The following CENPP variants were observed in gnomAD, a reference collection of about 807,000 sequenced individuals.
The protein encoded by CENPP is centromere protein P.
CENPP carries 24 observed loss-of-function variants against 35.6 expected under a neutral mutation model. The ratio of observed to expected loss-of-function variants is 0.67; its 90% confidence interval spans 0.49 to 0.95. The LOEUF is 0.95. Among genes scored for constraint, CENPP ranks in the 40% least tolerant of loss-of-function variants. The pLI, the probability that CENPP is intolerant of heterozygous loss-of-function variation, is 0.00. For missense variants in CENPP, 332 were observed against 345.3 expected, an observed-to-expected ratio of 0.96 and a Z score of 0.31; for synonymous variants, 120 against 125.5, an observed-to-expected ratio of 0.96 and a Z score of 0.29.
intron 5 of CENPP, among the ~76,000 whole-genome samples, chr9:92,543,027 T>C (rs1032304749): frequency 9.2e-5 from 14 of 152,240 alleles, no homozygotes; most frequent in African/African-American, 3.4e-4. Flanking sequence ...CAATTCACTG[T>C]AAATGCATGG....
rs117748837 is a variant in CENPP at position 92,430,481 on chromosome 9, C to T, written c.564+50622C>T. 5.6e-3 allele frequency among the ~76,000 whole-genome samples: 846 copies of T among 150,958 alleles called. 46 individuals carry two copies. In the East Asian group the frequency reaches 0.092, roughly 16 times the overall value. ...AAGCGATTCTTCTGCTTCAGTCGCC[C>T]GAGTAGCTGGGATTACAGGCACCCA... On this transcript the variant is annotated intron_variant, in intron 5 of 7. Coordinates refer to ENST00000375587, the MANE Select transcript of CENPP (RefSeq NM_001012267.3).
intron 5 of CENPP, among the ~76,000 whole-genome samples, chr9:92,587,954 G>A (rs565891183): frequency 6.6e-6 from 1 of 151,886 alleles, no homozygotes; most frequent in Non-Finnish European, 1.5e-5. Context: ...GGCGAAACCC[G>A]TCTCTACTAA....
At chr9:92,380,997 G>A (rs1455143882) in intron 5 of CENPP, among the ~76,000 whole-genome samples, 2 of 152,012 alleles carry the variant, frequency 1.3e-5, no homozygotes, top group Non-Finnish European at 2.9e-5. Flanking sequence ...AAATTACTAG[G>A]GTGGAAAAAA....
intron 5 of CENPP, chr9:92,496,019 TA>T: frequency 9.9e-7 from 1 of 1,009,104 alleles, no homozygotes; most frequent in Non-Finnish European, 1.2e-6. Flanking sequence ...AGGCTGTGTT[TA>T]TTTTGTTCCA....
At chr9:92,384,135 T>TA (rs1202101650) in intron 5 of CENPP, 1 of 152,184 alleles carries the variant, frequency 6.6e-6, no homozygotes, top group Non-Finnish European at 1.5e-5. Flanking sequence ...GAGAAAGTAG[T>TA]ATAATAGCTG....
At chr9:92,466,282 A>G in intron 5 of CENPP, 1 of 956,004 alleles carries the variant, frequency 1.0e-6, no homozygotes, top group South Asian at 1.6e-5. Context: ...AATTATTCTT[A>G]ATAGTGACGA....
chr9:92,591,327 G>T (rs182125451), intron 5 of CENPP, among the ~76,000 whole-genome samples: 35 of 152,138 alleles, frequency 2.3e-4, no homozygotes, highest in Admixed American at 1.5e-3. Flanking sequence ...GCTGAGGCAG[G>T]AGAATGGCAT....
chr9:92,447,194 G>A (rs7864453), intron 5 of CENPP, among the ~76,000 whole-genome samples: 135,469 of 152,022 alleles, frequency 0.89, 60,504 homozygotes, highest in East Asian at 0.95. Flanking sequence ...GGGTGATTCA[G>A]TCGCATTACA....
At chr9:92,452,161 A>G (rs1017349903) in intron 5 of CENPP, among the ~76,000 whole-genome samples, 5 of 151,494 alleles carry the variant, frequency 3.3e-5, no homozygotes, top group Non-Finnish European at 5.9e-5. Context: ...GAGAGAGGGC[A>G]TCCCTGTCTT....
intron 5 of CENPP, among the ~76,000 whole-genome samples, chr9:92,542,204 G>A (rs1372236914): frequency 6.6e-6 from 1 of 152,156 alleles, no homozygotes; most frequent in East Asian, 1.9e-4. Context: ...CTTTCTTAAA[G>A]GGAGATGTAT....
In CENPP at chr9:92,468,282, C is replaced by T. The variant is rs565762158; in HGVS notation, c.564+88423C>T. Among the ~76,000 whole-genome samples the T allele has an allele frequency of 2.8e-4, 42 of 152,332 alleles. No homozygotes were observed. In the South Asian group the frequency reaches 5.8e-3, roughly 21 times the overall value. ...TTTTGTGCAGCACTGGTAAGAGCCG[C>T]GCCACATGGTGGACTGCCTGCCCTG... On this transcript the variant is annotated intron_variant, in intron 5 of 7. Coordinates refer to ENST00000375587, the MANE Select transcript of CENPP (RefSeq NM_001012267.3).
Position 92,328,297 on chromosome 9 carries a change from A to G in CENPP, c.107+2192A>G, listed in dbSNP as rs78456753. On this transcript the variant is annotated intron_variant, in intron 1 of 7. Transcript: ENST00000375587. ...TAGTGGAGGAGGAGGATTGGAACCT[A>G]TGTACCAAGCTATTTTTTTAAGTGA... is the stretch of plus-strand genomic sequence containing the variant. 4.9e-3 allele frequency among the ~76,000 whole-genome samples: 753 copies of G among 152,302 alleles called. 5 individuals are homozygous for G. Among genetic ancestry groups the G allele is most frequent in the African/African-American group, 0.016 (659 of 41,570 alleles).
chr9:92,498,578 AAAG>A (rs551683522), intron 5 of CENPP, among the ~76,000 whole-genome samples: 175 of 152,306 alleles, frequency 1.1e-3, no homozygotes, highest in Non-Finnish European at 1.9e-3. Context: ...TTCAAAAAGA[AAAG>A]AGCAATTTCT....
Position 92,354,687 on chromosome 9 carries a change from C to G in CENPP, c.467+8900C>G, listed in dbSNP as rs983546621. 4.6e-5 allele frequency among the ~76,000 whole-genome samples: 7 copies of G among 152,304 alleles called. No individual in the cohort carries two copies. In the East Asian group the frequency reaches 1.3e-3, roughly 29 times the overall value. On this transcript the variant is annotated intron_variant, in intron 4 of 7. Coordinates refer to ENST00000375587, the MANE Select transcript of CENPP (RefSeq NM_001012267.3). ...GCAATTTCATTTTATGCCACTTTAA[C>G]TTAAAAAAAGTTTAAAAGACCTGTG...
intron 4 of CENPP, among the ~76,000 whole-genome samples, chr9:92,356,733 A>AT (rs1841598038): frequency 6.6e-6 from 1 of 152,174 alleles, no homozygotes; most frequent in Non-Finnish European, 1.5e-5. Context: ...AAATGTCCAT[A>AT]TTAAAATGAA....
chr9:92,473,033 C>T (rs1224212790), intron 5 of CENPP, among the ~76,000 whole-genome samples: 4 of 152,170 alleles, frequency 2.6e-5, no homozygotes, highest in African/African-American at 9.7e-5. Flanking sequence ...ATGGGTGCAG[C>T]AGCATGCTGA....
intron 5 of CENPP, among the ~76,000 whole-genome samples, chr9:92,566,599 T>C (rs1442475119): frequency 2.0e-5 from 3 of 152,182 alleles, no homozygotes; most frequent in Non-Finnish European, 2.9e-5. Flanking sequence ...CTAAAGGGAT[T>C]CGAAGGCAGA....
intron 2 of CENPP, among the ~76,000 whole-genome samples, chr9:92,334,377 C>T (rs1840854363): frequency 6.6e-6 from 1 of 152,098 alleles, no homozygotes; most frequent in Admixed American, 6.5e-5. Flanking sequence ...CCTCGGTCTC[C>T]CAAAGTGCTG....
intron 4 of CENPP, among the ~76,000 whole-genome samples, chr9:92,373,059 C>T (rs2130856220): frequency 6.6e-6 from 1 of 152,086 alleles, no homozygotes; most frequent in South Asian, 2.1e-4. Flanking sequence ...TGTTTATTTG[C>T]CCTTGAGTAT....
Sources: allele counts gnomAD v4.1 joint callset (sites outside exome capture counted in the v4.1 genomes callset), GRCh38; gene constraint gnomAD v4.1.1; transcripts MANE v1.5; gene names NCBI Gene and HGNC (gene_info 2026-07-23, HGNC 2026-07-21).